TENM4: variants seen among roughly 807,000 people sequenced by gnomAD.
TENM4 encodes teneurin-4.
TENM4 carries 82 observed loss-of-function variants against 243.3 expected under a neutral mutation model. The observed-to-expected ratio is 0.34, with a 90% confidence interval of 0.28 to 0.40. The LOEUF is 0.40. TENM4 is among the 10% of genes least tolerant of loss of function. TENM4 has a pLI of 1.00. For synonymous variants in TENM4, 1,412 were observed against 1,456.3 expected (o/e 0.97, Z 0.69); for missense variants, 3,138 against 3,673.3 (o/e 0.85, Z 3.77).
intron 6 of TENM4, among the ~76,000 whole-genome samples, chr11:78,931,798 G>A (rs1017241282): frequency 6.6e-6 from 1 of 152,164 alleles, no homozygotes; most frequent in Non-Finnish European, 1.5e-5. Flanking sequence ...ACCTTCAACC[G>A]GTTAATGAAA....
chr11:79,326,188 C>T (rs1400463569), intron 1 of TENM4, among the ~76,000 whole-genome samples: 5 of 152,166 alleles, frequency 3.3e-5, no homozygotes, highest in South Asian at 4.1e-4. Context: ...TTGGGCCCCC[C>T]GCGGCCTGCA....
intron 2 of TENM4, among the ~76,000 whole-genome samples, chr11:79,249,489 T>C (rs1348948616): frequency 1.3e-5 from 2 of 152,200 alleles, no homozygotes; most frequent in Non-Finnish European, 2.9e-5. Context: ...CTGCTATGTG[T>C]CAGGGACAGT....
chr11:79,295,896 A>AATACAC (rs1555043606), intron 2 of TENM4, among the ~76,000 whole-genome samples: 1 of 130,912 alleles, frequency 7.6e-6, no homozygotes, highest in Non-Finnish European at 1.6e-5. Flanking sequence ...CCAGGGATTA[A>AATACAC]ACACACACAC....
intron 4 of TENM4, among the ~76,000 whole-genome samples, chr11:79,071,078 T>C (rs1860403818): frequency 1.3e-5 from 2 of 152,298 alleles, no homozygotes; most frequent in East Asian, 3.9e-4. Flanking sequence ...CCTTCTGCCC[T>C]ACACTGACAC....
intron 2 of TENM4, among the ~76,000 whole-genome samples, chr11:79,256,303 C>G (rs1484581578): frequency 6.6e-6 from 1 of 152,224 alleles, no homozygotes; most frequent in Non-Finnish European, 1.5e-5. Context: ...TGAAACCCTG[C>G]TCCTCTCTCA....
chr11:78,814,428 C>A (rs1025360434), intron 12 of TENM4, 33 bp from the exon 13 acceptor site: 1 of 1,536,156 alleles, frequency 6.5e-7, no homozygotes, highest in Non-Finnish European at 8.8e-7. Context: ...GAGTTGAAAA[C>A]AAATTTCCTT....
At chr11:79,050,417 T>A (rs914278286) in intron 6 of TENM4, among the ~76,000 whole-genome samples, 2 of 152,126 alleles carry the variant, frequency 1.3e-5, no homozygotes, top group Admixed American at 1.3e-4. Context: ...GCATGTAGAG[T>A]GAGAGAGAGA....
chr11:79,102,489 C>T (rs767413657), intron 4 of TENM4, among the ~76,000 whole-genome samples: 5 of 152,206 alleles, frequency 3.3e-5, no homozygotes, highest in Non-Finnish European at 7.3e-5. Context: ...GGTAAATAAT[C>T]GGGAAATGCT....
chr11:79,000,508 C>A (rs1182301108), intron 6 of TENM4, among the ~76,000 whole-genome samples: 1 of 151,932 alleles, frequency 6.6e-6, no homozygotes. Context: ...GGAATACAGT[C>A]ATCTTGGAGC....
At chr11:79,411,384 G>A (rs532141088) in intron 1 of TENM4, among the ~76,000 whole-genome samples, 2 of 152,290 alleles carry the variant, frequency 1.3e-5, no homozygotes, top group African/African-American at 4.8e-5. Context: ...AACTCTTCCA[G>A]GGGGTATTAT....
rs546076845 is a variant in TENM4 at position 79,021,324 on chromosome 11, T to C, written c.493+43414A>G. The stretch of plus-strand genomic sequence containing the variant: ...GTCTTTTTCAGTGGTTCCTCTTCTA[T>C]CTAGGACTAGTTTCCTACTGTTTGG... On this transcript the variant is annotated intron_variant, in intron 6 of 33. Coordinates refer to ENST00000278550, the MANE Select transcript of TENM4 (RefSeq NM_001098816.3). Among the ~76,000 whole-genome samples, 4 of 152,298 alleles carry C rather than the reference T, an allele frequency of 2.6e-5. No homozygotes were observed. In the East Asian group the frequency reaches 7.7e-4, roughly 29 times the overall value.
At chr11:79,039,750 T>C (rs367947993) in intron 6 of TENM4, among the ~76,000 whole-genome samples, 3 of 152,256 alleles carry the variant, frequency 2.0e-5, no homozygotes, top group East Asian at 1.9e-4. Flanking sequence ...TGTATACCTA[T>C]GTAACAAACC....
In TENM4 at chr11:78,702,419, C is replaced by A; in HGVS notation, c.4210-16G>T. ...CCAGGTGAACCTGACAATGAAGACACCGATACTCAAATGACTGGCAAGATG... is the reference window on the plus strand; with the variant it reads ...CCAGGTGAACCTGACAATGAAGACAACGATACTCAAATGACTGGCAAGATG... On this transcript the variant is annotated splice_polypyrimidine_tract_variant and intron_variant, in intron 27 of 33. Coordinates refer to ENST00000278550, the MANE Select transcript of TENM4 (RefSeq NM_001098816.3). 1 of 1,599,370 alleles carries A rather than the reference C, an allele frequency of 6.3e-7. No homozygotes were observed. Among genetic ancestry groups the A allele is most frequent in the South Asian group, 1.1e-5 (1 of 88,426 alleles).
chr11:78,719,665 T>C (rs1490924045), intron 25 of TENM4, among the ~76,000 whole-genome samples: 2 of 152,198 alleles, frequency 1.3e-5, no homozygotes, highest in Non-Finnish European at 2.9e-5. Context: ...ACAATGTGTG[T>C]GAGGTCAGGG....
chr11:79,416,246 G>A (rs941043907), intron 1 of TENM4, among the ~76,000 whole-genome samples: 1 of 152,100 alleles, frequency 6.6e-6, no homozygotes, highest in Non-Finnish European at 1.5e-5. Context: ...ACTTCCCTGG[G>A]GTAAATACCT....
chr11:79,326,919 C>T (rs1364658994), intron 1 of TENM4, among the ~76,000 whole-genome samples: 1 of 152,186 alleles, frequency 6.6e-6, no homozygotes, highest in South Asian at 2.1e-4. Flanking sequence ...AACAGACTAA[C>T]AAATGAGTAA....
chr11:79,275,083 T>C (rs1013141591), intron 2 of TENM4, among the ~76,000 whole-genome samples: 13 of 152,168 alleles, frequency 8.5e-5, no homozygotes, highest in African/African-American at 3.1e-4. Flanking sequence ...TCAGTAAAAG[T>C]TGGAACTCTG....
intron 3 of TENM4, among the ~76,000 whole-genome samples, chr11:79,192,165 G>A (rs139998458): frequency 0.024 from 3,589 of 151,238 alleles, 147 homozygotes; most frequent in African/African-American, 0.083. Context: ...CCCCTGCCCG[G>A]CCAGCTGCCC....
chr11:79,186,937 A>G (rs925506493), intron 3 of TENM4, among the ~76,000 whole-genome samples: 1 of 152,192 alleles, frequency 6.6e-6, no homozygotes, highest in South Asian at 2.1e-4. Flanking sequence ...GATTCTTCTC[A>G]GATCATGTAT....
Sources: gnomAD v4.1 joint callset for allele counts (sites outside exome capture counted in the v4.1 genomes callset) on GRCh38, gnomAD v4.1.1 for gene constraint, MANE v1.5 for transcripts, NCBI Gene and HGNC (gene_info 2026-07-23, HGNC 2026-07-21) for gene names.